The following ANGPT1 variants were observed in gnomAD, a reference collection of about 807,000 sequenced individuals.
ANGPT1 encodes angiopoietin-1.
Under a neutral mutation model 62.2 loss-of-function variants are expected in ANGPT1, and 17 were observed. That is an observed-to-expected ratio of 0.27 (90% CI 0.19 to 0.41). The LOEUF (loss-of-function observed/expected upper bound fraction) is 0.41. ANGPT1 is among the 10% of genes least tolerant of loss of function. The pLI is 1.00. For synonymous variants in ANGPT1, 199 were observed against 198.9 expected (o/e 1.00, Z 0.00); for missense variants, 478 against 594.9 (o/e 0.80, Z 2.04).
chr8:107,312,547 G>A (rs1002418003), intron 4 of ANGPT1, among the ~76,000 whole-genome samples: 7 of 152,164 alleles, frequency 4.6e-5, no homozygotes, highest in African/African-American at 1.7e-4. Context: ...AAGTAAATAA[G>A]TCCTGACTGT....
At chr8:107,448,890 G>T (rs531361181) in intron 1 of ANGPT1, among the ~76,000 whole-genome samples, 2 of 152,198 alleles carry the variant, frequency 1.3e-5, no homozygotes, top group East Asian at 3.9e-4. Context: ...CCTATCACGG[G>T]CCAAGTTTGG....
rs933231628 is a variant in ANGPT1, at chr8:107,393,520, G to A, written c.298-46423C>T. Among the ~76,000 whole-genome samples the A allele has an allele frequency of 2.0e-5, 3 of 152,106 alleles. No homozygotes were observed. The East Asian group carries it at 5.8e-4, about 29-fold the overall frequency. On this transcript the variant is annotated intron_variant, in intron 1 of 8. Transcript: ENST00000517746. ...AATATGATCTTTTTAAAAAAAATTA[G>A]GGGGATGGGTTGGGTGCAGCGGCTC...
chr8:107,386,414 A>G (rs1357706812), intron 1 of ANGPT1, among the ~76,000 whole-genome samples: 2 of 152,154 alleles, frequency 1.3e-5, no homozygotes, highest in African/African-American at 2.4e-5. Flanking sequence ...AAGAAAAAAC[A>G]CATTTATTTA....
At chr8:107,263,354 C>CAAAAAAAAAAAAAAAAAAAAAAAAT (rs36190408) in intron 8 of ANGPT1, among the ~76,000 whole-genome samples, 1 of 91,280 alleles carries the variant, frequency 1.1e-5, no homozygotes, top group Non-Finnish European at 2.1e-5. Flanking sequence ...AACTCAGTTT[C>CAAAAAAAAAAAAAAAAAAAAAAAAT]AAAAAAAAAA....
At chr8:107,391,512 C>T (rs1294424021) in intron 1 of ANGPT1, among the ~76,000 whole-genome samples, 1 of 152,010 alleles carries the variant, frequency 6.6e-6, no homozygotes, top group Non-Finnish European at 1.5e-5. Context: ...ACTGACAATA[C>T]AAAAATTAGC....
At chr8:107,441,438 A>G (rs1448823630) in intron 1 of ANGPT1, among the ~76,000 whole-genome samples, 1 of 152,096 alleles carries the variant, frequency 6.6e-6, no homozygotes, top group Non-Finnish European at 1.5e-5. Flanking sequence ...CCTCCTTCTG[A>G]ATTGCACTAA....
At chr8:107,403,505 A>G (rs1283689) in intron 1 of ANGPT1, among the ~76,000 whole-genome samples, 72,775 of 151,866 alleles carry the variant, frequency 0.48, 19,193 homozygotes, top group Middle Eastern at 0.6. Context: ...ATATCCGTAT[A>G]GTAGAATCTT....
chr8:107,313,161 T>A (rs905266568), intron 4 of ANGPT1, among the ~76,000 whole-genome samples: 2 of 152,172 alleles, frequency 1.3e-5, no homozygotes, highest in African/African-American at 4.8e-5. Context: ...TGCAAACATA[T>A]AATAAATACA....
chr8:107,312,387 T>C (rs1814895447), intron 4 of ANGPT1, among the ~76,000 whole-genome samples: 1 of 152,232 alleles, frequency 6.6e-6, no homozygotes, highest in African/African-American at 2.4e-5. Flanking sequence ...GCATCTTTTG[T>C]GCTCTGCTAT....
At chr8:107,446,085 C>T (rs1207839771) in intron 1 of ANGPT1, among the ~76,000 whole-genome samples, 1 of 151,872 alleles carries the variant, frequency 6.6e-6, no homozygotes, top group Non-Finnish European at 1.5e-5. Context: ...GCCCAGTTAA[C>T]TTTTCGTATT....
intron 8 of ANGPT1, among the ~76,000 whole-genome samples, chr8:107,263,855 C>A (rs570498241): frequency 6.6e-6 from 1 of 151,950 alleles, no homozygotes; most frequent in African/African-American, 2.4e-5. Context: ...TACATAATTG[C>A]GAAGTATTTT....
chr8:107,488,253 T>C (rs1432336240), intron 1 of ANGPT1, among the ~76,000 whole-genome samples: 2 of 152,192 alleles, frequency 1.3e-5, no homozygotes, highest in East Asian at 3.9e-4. Context: ...AAATTCAAAC[T>C]ATCGAATGTA....
chr8:107,463,518 C>A (rs544960283), intron 1 of ANGPT1, among the ~76,000 whole-genome samples: 32 of 152,208 alleles, frequency 2.1e-4, no homozygotes, highest in African/African-American at 7.2e-4. Context: ...CATCTAGGAT[C>A]AACAAGCATT....
chr8:107,299,422 A>ATAC lies in ANGPT1; in HGVS notation c.936+3817_936+3818insGTA, dbSNP rs1281291162. Reference sequence around the variant, plus strand: ...ATATATATATATATATATATATATAAACATACATATATATACTAAGCATAT... The same window carrying ATAC: ...ATATATATATATATATATATATATAATACACATACATATATATACTAAGCATAT... On this transcript the variant is annotated intron_variant, in intron 5 of 8. Transcript: ENST00000517746. Among the ~76,000 whole-genome samples the ATAC allele has an allele frequency of 1.4e-3, 168 of 116,130 alleles. 2 individuals carry two copies. The highest frequency in any genetic ancestry group is 4.8e-3 in the African/African-American group (157 of 32,434). The allele number at this position is 116,130 out of a possible 152,430, so 76.2% of individuals were successfully genotyped here. A position where few individuals can be genotyped will look rare whatever the true frequency, so the allele number is the denominator to read the frequency against.
At chr8:107,409,212 C>T (rs994468516) in intron 1 of ANGPT1, among the ~76,000 whole-genome samples, 1 of 152,200 alleles carries the variant, frequency 6.6e-6, no homozygotes, top group African/African-American at 2.4e-5. Flanking sequence ...GGCTTTCCTT[C>T]TAACTGTTAC....
chr8:107,424,841 A>G (rs1227414156), intron 1 of ANGPT1, among the ~76,000 whole-genome samples: 1 of 152,232 alleles, frequency 6.6e-6, no homozygotes, highest in Non-Finnish European at 1.5e-5. Context: ...TTAAAACACA[A>G]TATCTCAAAC....
chr8:107,361,766 T>C (rs1276567830), intron 1 of ANGPT1, among the ~76,000 whole-genome samples: 2 of 151,952 alleles, frequency 1.3e-5, no homozygotes, highest in African/African-American at 4.8e-5. Flanking sequence ...AGTTTAAATG[T>C]CAGCAAAGAC....
intron 1 of ANGPT1, among the ~76,000 whole-genome samples, chr8:107,369,259 T>C (rs1202182758): frequency 2.0e-5 from 3 of 152,190 alleles, no homozygotes; most frequent in Non-Finnish European, 4.4e-5. Flanking sequence ...CAACCTCTGC[T>C]AGATGCAAAC....
At chr8:107,479,947 T>C (rs1586358179) in intron 1 of ANGPT1, among the ~76,000 whole-genome samples, 4 of 152,294 alleles carry the variant, frequency 2.6e-5, no homozygotes, top group Middle Eastern at 3.4e-3. Context: ...ACTAAACTTA[T>C]GTGAAACTGA....
Sources: allele counts gnomAD v4.1 joint callset (sites outside exome capture counted in the v4.1 genomes callset), GRCh38; gene constraint gnomAD v4.1.1; transcripts MANE v1.5; gene names NCBI Gene and HGNC (gene_info 2026-07-23, HGNC 2026-07-21).